The following MEIOC variants were observed in gnomAD, a reference collection of about 807,000 sequenced individuals.
The protein encoded by MEIOC is meiosis-specific coiled-coil domain-containing protein MEIOC.
A neutral mutation model predicts 85.3 loss-of-function variants in MEIOC; 9 were observed. The observed-to-expected ratio is 0.11, with a 90% CI of 0.06 to 0.18. The LOEUF (loss-of-function observed/expected upper bound fraction) is 0.18. MEIOC is among the 10% of genes least tolerant of loss of function. The pLI is 1.00. For missense variants in MEIOC, 898 were observed against 1,129.4 expected (o/e 0.80, Z 2.94); for synonymous variants, 365 against 393.7 (o/e 0.93, Z 0.86).
chr17:44,662,620 C>T (rs1971856509), intron 3 of MEIOC, 149 bp downstream of exon 3: 3 of 619,276 alleles, frequency 4.8e-6, no homozygotes, highest in South Asian at 4.5e-5. Flanking sequence ...GTAAACTGGG[C>T]AGTTATTTGT....
intron 6 of MEIOC, among the ~76,000 whole-genome samples, chr17:44,671,999 G>A (rs1431387631): frequency 1.3e-5 from 2 of 151,834 alleles, no homozygotes; most frequent in African/African-American, 2.4e-5. Flanking sequence ...AAAATCACCT[G>A]TGCAGACTTT....
At chr17:44,656,712 G>A (rs1292822033) in intron 1 of MEIOC, 30 bp downstream of exon 1, 5 of 1,472,962 alleles carry the variant, frequency 3.4e-6, no homozygotes, top group Non-Finnish European at 3.6e-6. Flanking sequence ...AGGGTCCAGG[G>A]GGCGGCCAGA....
At position 44,658,521 on chromosome 17, in the gene MEIOC, G is replaced by A. The variant is rs140838761; in HGVS notation, c.204+1260G>A. On this transcript the variant is annotated intron_variant, in intron 2 of 7. Coordinates refer to ENST00000409122, the MANE Select transcript of MEIOC (RefSeq NM_001145080.3). ...TTTGAAAATAAGTTAAGGGCCGGGC[G>A]CCATGGCTCGTGCCTGTAATCCCAG... 5.9e-3 allele frequency among the ~76,000 whole-genome samples: 887 copies of A among 150,884 alleles called. 10 individuals are homozygous for A. The highest frequency in any genetic ancestry group is 0.021 in the African/African-American group (856 of 41,278).
In MEIOC at chr17:44,674,058, G is replaced by A; in HGVS notation, c.2721G>A (p.Gln907=). Residue 907 remains glutamine (Q), a synonymous_variant, in exon 8 of 8, where the codon CAG becomes CAA. Transcript: ENST00000409122. The part of the protein sequence containing the change: ...KTRTALWCAL[Q]MTLPKTASTA... ...GCACTGCCCTGTGGTGTGCACTGCA[G>A]ATGACCTTGCCAAAAACAGCCAGTA... 4 of 1,551,720 alleles carry A rather than the reference G, an allele frequency of 2.6e-6. No homozygotes were observed. Among genetic ancestry groups the A allele is most frequent in the East Asian group, 2.4e-5 (1 of 40,920 alleles).
chr17:44,668,288 A>T, intron 5 of MEIOC, 55 bp downstream of exon 5: 1 of 1,455,782 alleles, frequency 6.9e-7, no homozygotes. Flanking sequence ...GCCTGTCTTC[A>T]TTCTGTTTAC....
intron 5 of MEIOC, among the ~76,000 whole-genome samples, chr17:44,668,708 G>T (rs1598728741): frequency 6.6e-6 from 1 of 152,206 alleles, no homozygotes. Context: ...AATTAAGTGG[G>T]TTACTTAAAA....
In MEIOC at chr17:44,674,587, C is replaced by T; in HGVS notation, c.*391C>T. 1 of 995,336 alleles carries T rather than the reference C, an allele frequency of 1.0e-6. No individual in the cohort carries two copies. Among genetic ancestry groups the T allele is most frequent in the Non-Finnish European group, 1.2e-6 (1 of 835,514 alleles). 61.7% of individuals were successfully genotyped at this position (995,336 alleles called of 1,614,324 possible). ...AATTCCAAATAATGAATCTAAGTGACTGTAACCCAATTACGGCTACAGCCT... is the reference window on the plus strand; with the variant it reads ...AATTCCAAATAATGAATCTAAGTGATTGTAACCCAATTACGGCTACAGCCT... On this transcript the variant is annotated 3_prime_UTR_variant, in exon 8 of 8. Coordinates refer to ENST00000409122, the MANE Select transcript of MEIOC (RefSeq NM_001145080.3).
In MEIOC at chr17:44,667,691, G is replaced by A; in HGVS notation, c.1780G>A (p.Ala594Thr). The change falls in exon 5 of 8, where the codon GCT (alanine) becomes ACT (threonine). Residue 594 changes from alanine to threonine, a missense_variant. By Grantham distance (58) the Ala-to-Thr change is moderately conservative. Coordinates refer to ENST00000409122, the MANE Select transcript of MEIOC (RefSeq NM_001145080.3). ...QPNGFCDNYS[A>T]QKYGIIENVN... Reference sequence around the variant, plus strand: ...AAATGGATTTTGTGATAACTATTCAGCTCAGAAGTATGGGATAATTGAAAA... The same window carrying A: ...AAATGGATTTTGTGATAACTATTCAACTCAGAAGTATGGGATAATTGAAAA... 1.2e-6 allele frequency: 2 copies of A among 1,613,300 alleles called. No homozygotes were observed. The highest frequency in any genetic ancestry group is 1.1e-5 in the South Asian group (1 of 90,990).
At chr17:44,657,897 G>C (rs574583575) in intron 2 of MEIOC, among the ~76,000 whole-genome samples, 1 of 151,876 alleles carries the variant, frequency 6.6e-6, no homozygotes, top group Non-Finnish European at 1.5e-5. Flanking sequence ...TGTTGCCCAG[G>C]CTGGAGTGCA....
In MEIOC at chr17:44,666,359, A is replaced by G. The variant is rs562208824; in HGVS notation, c.465-17A>G. On this transcript the variant is annotated splice_polypyrimidine_tract_variant and intron_variant, in intron 4 of 7. Transcript: ENST00000409122. Reference sequence around the variant, plus strand: ...TTTAAAACCTAAGTTGTAATTAAATATATTTATTTGTTCTAGGACCTGCTC... The same window carrying G: ...TTTAAAACCTAAGTTGTAATTAAATGTATTTATTTGTTCTAGGACCTGCTC... The G allele has an allele frequency of 2.0e-4, 309 of 1,508,160 alleles. No homozygotes were observed. The Middle Eastern group carries it at 3.3e-3, about 16-fold the overall frequency. 93.4% of individuals were successfully genotyped at this position (1,508,160 alleles called of 1,614,324 possible). A position where few individuals can be genotyped will look rare whatever the true frequency, so the allele number is the denominator to read the frequency against.
At position 44,667,175 on chromosome 17, in the gene MEIOC, T is replaced by A; in HGVS notation, c.1264T>A (p.Tyr422Asn). 1 of 1,613,904 alleles carries A rather than the reference T, an allele frequency of 6.2e-7. No individual in the cohort carries two copies. The highest frequency in any genetic ancestry group is 8.5e-7 in the Non-Finnish European group (1 of 1,179,870). Residue 422 changes from tyrosine (Y) to asparagine (N), a missense_variant, in exon 5 of 8, where the codon TAT (tyrosine) becomes AAT (asparagine). Tyr to Asn is a moderately radical substitution (Grantham distance 143). Coordinates refer to ENST00000409122, the MANE Select transcript of MEIOC (RefSeq NM_001145080.3). ...FTADFGLTSE[Y>N]GLKPHTACPA... Reference sequence around the variant, plus strand: ...TGCTGATTTTGGCTTAACATCAGAATATGGACTAAAACCTCACACAGCTTG... The same window carrying A: ...TGCTGATTTTGGCTTAACATCAGAAAATGGACTAAAACCTCACACAGCTTG...
rs1171285615 is a variant in MEIOC at position 44,674,059 on chromosome 17, A to T, written c.2722A>T (p.Met908Leu). ...CACTGCCCTGTGGTGTGCACTGCAG[A>T]TGACCTTGCCAAAAACAGCCAGTAC... ...TRTALWCALQ[M>L]TLPKTASTAD... The change falls in exon 8 of 8, where the codon ATG (methionine) becomes TTG (leucine). Residue 908 changes from methionine (M) to leucine (L), a missense_variant. Transcript: ENST00000409122. 1.3e-6 allele frequency: 2 copies of T among 1,551,606 alleles called. No homozygotes were observed. Among genetic ancestry groups the T allele is most frequent in the African/African-American group, 2.7e-5 (2 of 73,054 alleles).
At chr17:44,664,412 A>G (rs1971880022) in intron 3 of MEIOC, among the ~76,000 whole-genome samples, 1 of 152,144 alleles carries the variant, frequency 6.6e-6, no homozygotes, top group Admixed American at 6.6e-5. Context: ...ATAGATGTAC[A>G]GGTTGAGCAT....
rs898969140 is a variant in MEIOC, at chr17:44,675,135, T to A, written c.*939T>A. 1.3e-5 allele frequency: 13 copies of A among 984,650 alleles called. No homozygotes were observed. In the South Asian group the frequency reaches 3.3e-4, roughly 25 times the overall value. The allele number at this position is 984,650 out of a possible 1,614,324, so 61.0% of individuals were successfully genotyped here. A position where few individuals can be genotyped will look rare whatever the true frequency, so the allele number is the denominator to read the frequency against. ...TTGCAATTGGTTAGTGTATATTTTG[T>A]GTAGTTGTGTTCATTAGTTTGCTTC... On this transcript the variant is annotated 3_prime_UTR_variant, in exon 8 of 8. Coordinates refer to ENST00000409122, the MANE Select transcript of MEIOC (RefSeq NM_001145080.3).
At chr17:44,664,098 T>G (rs1384751748) in intron 3 of MEIOC, among the ~76,000 whole-genome samples, 1 of 152,082 alleles carries the variant, frequency 6.6e-6, no homozygotes, top group African/African-American at 2.4e-5. Context: ...GGGCCGGGAT[T>G]GGTGGCTCAC....
At chr17:44,657,910 G>A (rs1971787808) in intron 2 of MEIOC, among the ~76,000 whole-genome samples, 1 of 151,950 alleles carries the variant, frequency 6.6e-6, no homozygotes, top group Non-Finnish European at 1.5e-5. Context: ...GGAGTGCAGT[G>A]GTGCGATCTC....
chr17:44,677,059 C>A (rs1972085704), downstream of MEIOC: 2 of 571,900 alleles, frequency 3.5e-6, no homozygotes, highest in African/African-American at 2.0e-5. Context: ...GTGGATATAA[C>A]CTGACTCCTT....
chr17:44,659,912 T>C (rs929002982), intron 2 of MEIOC, among the ~76,000 whole-genome samples: 1 of 152,204 alleles, frequency 6.6e-6, no homozygotes, highest in Non-Finnish European at 1.5e-5. Context: ...CAAAATCCCT[T>C]CTGTGTTTCC....
In MEIOC at chr17:44,657,124, C is replaced by T; in HGVS notation, c.70-3C>T. The T allele has an allele frequency of 6.5e-7, 1 of 1,548,736 alleles. No individual in the cohort carries two copies. On this transcript the variant is annotated splice_polypyrimidine_tract_variant and splice_region_variant and intron_variant, in intron 1 of 7. Coordinates refer to ENST00000409122, the MANE Select transcript of MEIOC (RefSeq NM_001145080.3). ...TGATATTTCCTATTCCCGTGTGCTG[C>T]AGCCCAAAGTCGCGTTCCCCGGAGG...
Sources: allele counts gnomAD v4.1 joint callset (sites outside exome capture counted in the v4.1 genomes callset), GRCh38; gene constraint gnomAD v4.1.1; transcripts MANE v1.5; gene names NCBI Gene and HGNC (gene_info 2026-07-23, HGNC 2026-07-21).